Variants in SPPL3 observed in about 807,000 individuals in gnomAD.
SPPL3 encodes the protein signal peptide peptidase-like 3.
A neutral mutation model predicts 42.4 loss-of-function variants in SPPL3; 5 were observed. The ratio of observed to expected loss-of-function variants is 0.12; its 90% CI spans 0.06 to 0.25. The LOEUF (loss-of-function observed/expected upper bound fraction) is 0.25. Ranked by LOEUF, SPPL3 falls within the 10% of genes least tolerant of loss-of-function variation. The probability of loss-of-function intolerance (pLI) is 1.00; values close to 1 mark genes in which losing one functional copy is unlikely to be tolerated. For missense variants in SPPL3, 235 were observed against 489.0 expected (o/e 0.48, Z 4.90); for synonymous variants, 195 against 181.8 (o/e 1.07, Z -0.58).
chr12:120,801,321 CACCACCATAACCTGATTT>C (rs1261855926), intron 2 of SPPL3, among the ~76,000 whole-genome samples: 1 of 152,200 alleles, frequency 6.6e-6, no homozygotes, highest in African/African-American at 2.4e-5. Flanking sequence ...TAATCTGTCT[CACCACCATAACCTGATTT>C]ACCACCATAA....
At chr12:120,852,894 T>TAATATATACTTC (rs1229466284) in intron 1 of SPPL3, among the ~76,000 whole-genome samples, 28 of 144,998 alleles carry the variant, frequency 1.9e-4, no homozygotes, top group Non-Finnish European at 4.1e-4. Flanking sequence ...ATATTTCATA[T>TAATATATACTTC]ATATATATAT....
At chr12:120,765,193 G>T (rs934706099) in intron 10 of SPPL3, 123 bp from the exon 11 acceptor site, 1 of 795,044 alleles carries the variant, frequency 1.3e-6, no homozygotes, top group South Asian at 2.1e-5. Context: ...TGGCCAGGCT[G>T]GTCTCAAACT....
intron 1 of SPPL3, chr12:120,845,194 T>C: frequency 2.2e-6 from 1 of 457,492 alleles, no homozygotes; most frequent in Admixed American, 2.5e-5. Flanking sequence ...GGCCTGAATG[T>C]ACCAGTTCAT....
chr12:120,797,814 T>G (rs574797536), intron 2 of SPPL3, among the ~76,000 whole-genome samples: 1 of 152,320 alleles, frequency 6.6e-6, no homozygotes, highest in South Asian at 2.1e-4. Flanking sequence ...ATAATGATCT[T>G]AACTTCGTAG....
chr12:120,831,531 C>T (rs571463802), intron 1 of SPPL3, among the ~76,000 whole-genome samples: 1 of 152,142 alleles, frequency 6.6e-6, no homozygotes, highest in Admixed American at 6.5e-5. Flanking sequence ...ACTGTTTATG[C>T]CACTGTTTAT....
chr12:120,845,045 A>G (rs565946084), intron 1 of SPPL3: 5 of 267,140 alleles, frequency 1.9e-5, no homozygotes, highest in Admixed American at 1.5e-4. Context: ...CTCACACTGG[A>G]GCCAAGTGTT....
chr12:120,769,151 A>G, intron 6 of SPPL3, 92 bp from the exon 7 acceptor site: 1 of 1,001,122 alleles, frequency 1.0e-6, no homozygotes, highest in South Asian at 1.5e-5. Context: ...CAGAGTTTGC[A>G]ATTCCCTCAA....
rs763104166 is a variant in SPPL3, at chr12:120,766,098, GCGCACACACACACACACACA to G, written c.1083+145_1083+164del. 6.0e-3 allele frequency among the ~76,000 whole-genome samples: 861 copies of G among 143,980 alleles called. 5 individuals carry two copies. Among genetic ancestry groups the G allele is most frequent in the Middle Eastern group, 7.1e-3 (2 of 280 alleles). The allele number at this position is 143,980 out of a possible 152,430, so 94.5% of individuals were successfully genotyped here. ...TTGCTAACGCCAGGGTAGCGCGCGC[GCGCACACACACACACACACA>G]CACACACACACACACACACACACAG... On this transcript the variant is annotated intron_variant, in intron 10 of 10. Coordinates refer to ENST00000353487, the MANE Select transcript of SPPL3 (RefSeq NM_139015.5).
chr12:120,898,833 A>T (rs1863973444), intron 1 of SPPL3, among the ~76,000 whole-genome samples: 1 of 152,224 alleles, frequency 6.6e-6, no homozygotes, highest in African/African-American at 2.4e-5. Flanking sequence ...TCTATCACAT[A>T]GAAAATACAC....
chr12:120,873,236 T>C (rs1033012446), intron 1 of SPPL3, among the ~76,000 whole-genome samples: 2 of 152,110 alleles, frequency 1.3e-5, no homozygotes, highest in African/African-American at 2.4e-5. Context: ...ATGGTTTAAC[T>C]TGAAGACACA....
intron 1 of SPPL3, among the ~76,000 whole-genome samples, chr12:120,831,176 C>G (rs111372784): frequency 2.0e-5 from 3 of 152,138 alleles, no homozygotes; most frequent in Non-Finnish European, 4.4e-5. Flanking sequence ...GTTACACCAT[C>G]GGCTCTCCTG....
At chr12:120,851,916 A>C (rs771217649) in intron 1 of SPPL3, among the ~76,000 whole-genome samples, 2 of 152,066 alleles carry the variant, frequency 1.3e-5, no homozygotes, top group Non-Finnish European at 2.9e-5. Flanking sequence ...TTTCACACTG[A>C]TTTTCAAACA....
intron 1 of SPPL3, among the ~76,000 whole-genome samples, chr12:120,882,910 A>G (rs969322817): frequency 2.0e-5 from 3 of 151,730 alleles, no homozygotes; most frequent in African/African-American, 7.3e-5. Context: ...CCAATCACAG[A>G]GGTAATGCTA....
At chr12:120,848,968 A>C (rs528467247) in intron 1 of SPPL3, among the ~76,000 whole-genome samples, 1 of 152,084 alleles carries the variant, frequency 6.6e-6, no homozygotes, top group Admixed American at 6.6e-5. Context: ...GATGTAATAC[A>C]AACTTGATTA....
intron 1 of SPPL3, among the ~76,000 whole-genome samples, chr12:120,830,848 T>C (rs1396518451): frequency 6.6e-6 from 1 of 152,032 alleles, no homozygotes; most frequent in Non-Finnish European, 1.5e-5. Context: ...ATGGATGTGA[T>C]GGTTAATTTT....
intron 1 of SPPL3, among the ~76,000 whole-genome samples, chr12:120,832,314 A>T (rs2137018809): frequency 6.6e-6 from 1 of 152,250 alleles, no homozygotes; most frequent in East Asian, 1.9e-4. Flanking sequence ...TTATATTATT[A>T]TTTTCTGACT....
At chr12:120,866,501 TAGTA>T (rs925978771) in intron 1 of SPPL3, among the ~76,000 whole-genome samples, 2 of 151,396 alleles carry the variant, frequency 1.3e-5, no homozygotes, top group Non-Finnish European at 2.9e-5. Context: ...TTAACTGAAA[TAGTA>T]AGGCATAATT....
At chr12:120,900,465 C>T (rs73415712) in intron 1 of SPPL3, among the ~76,000 whole-genome samples, 1 of 151,526 alleles carries the variant, frequency 6.6e-6, no homozygotes, top group African/African-American at 2.4e-5. Context: ...ATCAGCCGGG[C>T]GTGGTGGGGC....
chr12:120,784,398 T>A (rs868790753), intron 4 of SPPL3, 76 bp downstream of exon 4: 1 of 1,430,886 alleles, frequency 7.0e-7, no homozygotes, highest in African/African-American at 1.4e-5. Flanking sequence ...ATATAAATCT[T>A]AATTTTTGAA....
Sources: allele counts gnomAD v4.1 joint callset (sites outside exome capture counted in the v4.1 genomes callset), GRCh38; gene constraint gnomAD v4.1.1; transcripts MANE v1.5; gene names NCBI Gene and HGNC (gene_info 2026-07-23, HGNC 2026-07-21).